LARP6: variants seen among roughly 807,000 people sequenced by gnomAD.
LARP6 encodes the protein La ribonucleoprotein 6, translational regulator, also known as la-related protein 6.
A neutral mutation model predicts 32.8 loss-of-function variants in LARP6; 18 were observed. The ratio of observed to expected loss-of-function variants is 0.55; its 90% CI spans 0.38 to 0.81. LARP6 has a LOEUF of 0.81. Among genes scored for constraint, LARP6 ranks in the 40% least tolerant of loss-of-function variants. LARP6 has a pLI of 0.00. For missense variants in LARP6, 598 were observed against 663.1 expected (o/e 0.90, Z 1.08); for synonymous variants, 289 against 267.2 (o/e 1.08, Z -0.80).
intron 2 of LARP6, 123 bp downstream of exon 2, chr15:70,836,168 TCAGG>T: frequency 1.4e-6 from 1 of 730,108 alleles, no homozygotes; most frequent in Non-Finnish European, 2.3e-6. Context: ...TTTCTCTTTT[TCAGG>T]CACAGACTTA....
intron 1 of LARP6, among the ~76,000 whole-genome samples, chr15:70,847,515 G>T (rs953611772): frequency 6.6e-6 from 1 of 152,006 alleles, no homozygotes. Context: ...GACTACAGGT[G>T]CGCACCACCA....
intron 2 of LARP6, among the ~76,000 whole-genome samples, chr15:70,835,444 T>A (rs1466888631): frequency 6.6e-6 from 1 of 152,142 alleles, no homozygotes; most frequent in Admixed American, 6.5e-5. Context: ...AATGAGCATA[T>A]TTGATGAATG....
At chr15:70,844,171 GGT>G (rs2032308250) in intron 1 of LARP6, among the ~76,000 whole-genome samples, 2 of 152,062 alleles carry the variant, frequency 1.3e-5, no homozygotes, top group East Asian at 3.9e-4. Context: ...TGGCCAGGCT[GGT>G]CTCAAACTCC....
rs775982634 is a variant in LARP6, at chr15:70,832,871, C to A, written c.657G>T (p.Lys219Asn). The change falls in exon 3 of 3, where the codon AAG becomes AAT. Residue 219 changes from lysine (K) to asparagine (N), a missense_variant. By Grantham distance (94) the Lys-to-Asn change is moderately conservative. Around this residue, in one of 3 missense-constraint regions of LARP6, gnomAD observed 368 missense variants for 397.9 expected, o/e 0.92. Transcript: ENST00000299213. ...VQEKVMEHLL[K>N]LFGTFGVISS... ...AGATGACTCCAAAAGTCCCAAAAAG[C>A]TTGAGCAGGTGTTCCATCACCTTCT... 13 of 1,610,322 alleles carry A rather than the reference C, an allele frequency of 8.1e-6. No individual in the cohort carries two copies. The highest frequency in any genetic ancestry group is 1.7e-4 in the Middle Eastern group (1 of 6,024).
chr15:70,840,007 A>G (rs1053418002), intron 1 of LARP6, among the ~76,000 whole-genome samples: 10 of 152,170 alleles, frequency 6.6e-5, no homozygotes, highest in Admixed American at 5.2e-4. Context: ...CAGATTTTTT[A>G]TTATTACATG....
chr15:70,850,280 T>C (rs2032424181), intron 1 of LARP6, among the ~76,000 whole-genome samples: 1 of 152,148 alleles, frequency 6.6e-6, no homozygotes, highest in Non-Finnish European at 1.5e-5. Context: ...TACTAAACAT[T>C]TAAAGAACAA....
rs759270996 is a variant in LARP6, at chr15:70,832,442, G to A, written c.1086C>T (p.Ser362=). 1.3e-6 allele frequency: 2 copies of A among 1,570,852 alleles called. No homozygotes were observed. The highest frequency in any genetic ancestry group is 1.7e-6 in the Non-Finnish European group (2 of 1,160,420). ...GAAAGAGATTCTGGTGGCCAGACGG[G>A]CTGAGCTTGTTGGTGGCCGCGTGCC... is the stretch of plus-strand genomic sequence containing the variant. ...GRRHAATNKL[S]PSGHQNLFLS... The change falls in exon 3 of 3, where the codon AGC becomes AGT. Residue 362 remains serine (S), a synonymous_variant. Coordinates refer to ENST00000299213, the MANE Select transcript of LARP6 (RefSeq NM_018357.4).
chr15:70,851,215 C>T (rs1225052137), intron 1 of LARP6, among the ~76,000 whole-genome samples: 1 of 152,118 alleles, frequency 6.6e-6, no homozygotes, highest in African/African-American at 2.4e-5. Context: ...GTAAAACATA[C>T]CTCAAATGGT....
chr15:70,841,793 G>A (rs1050188801), intron 1 of LARP6, among the ~76,000 whole-genome samples: 3 of 152,112 alleles, frequency 2.0e-5, no homozygotes, highest in African/African-American at 7.2e-5. Flanking sequence ...CCCAGAAGTG[G>A]ATGCTAGTGC....
chr15:70,830,477 A>G lies in LARP6; in HGVS notation c.*1575T>C, dbSNP rs952150320. The stretch of plus-strand genomic sequence containing the variant: ...GGATTCTTTTTTGAATATGGATAGT[A>G]AAGATCAGAAATGTTGAGTACCACT... On this transcript the variant is annotated 3_prime_UTR_variant, in exon 3 of 3. Coordinates refer to ENST00000299213, the MANE Select transcript of LARP6 (RefSeq NM_018357.4). 2 of 152,210 alleles carry G rather than the reference A, an allele frequency of 1.3e-5. No individual in the cohort carries two copies. Among genetic ancestry groups the G allele is most frequent in the South Asian group, 4.1e-4 (2 of 4,830 alleles). 9.4% of individuals were successfully genotyped at this position (152,210 alleles called of 1,614,324 possible). A position where few individuals can be genotyped will look rare whatever the true frequency, so the allele number is the denominator to read the frequency against.
chr15:70,852,311 A>T, intron 1 of LARP6: 1 of 455,568 alleles, frequency 2.2e-6, no homozygotes, highest in Non-Finnish European at 4.4e-6. Context: ...GCTGAGACTC[A>T]AGCCACGGGA....
rs139546696 is a variant in LARP6 at position 70,840,371 on chromosome 15, C to A, written c.201-3866G>T. Among the ~76,000 whole-genome samples the A allele has an allele frequency of 2.3e-3, 345 of 152,216 alleles. 3 individuals carry two copies. The highest frequency in any genetic ancestry group is 8.2e-3 in the African/African-American group (341 of 41,524). On this transcript the variant is annotated intron_variant, in intron 1 of 2. Transcript: ENST00000299213. The stretch of plus-strand genomic sequence containing the variant: ...CCTGGCCAACATGGTGAAACCCCAT[C>A]TCTACCAAAAATATAAAAATTAGCT...
intron 1 of LARP6, among the ~76,000 whole-genome samples, chr15:70,847,562 T>G (rs182671583): frequency 6.6e-6 from 1 of 152,082 alleles, no homozygotes; most frequent in Admixed American, 6.6e-5. Flanking sequence ...GTAGAGACAG[T>G]GTTTCATCGT....
Position 70,853,983 on chromosome 15 carries a change from C to T in LARP6, c.106G>A (p.Glu36Lys), listed in dbSNP as rs1341689432. 15 of 1,464,028 alleles carry T rather than the reference C, an allele frequency of 1.0e-5. No homozygotes were observed. The Middle Eastern group carries it at 5.6e-4, about 54-fold the overall frequency. The allele number at this position is 1,464,028 out of a possible 1,614,324, so 90.7% of individuals were successfully genotyped here. A position where few individuals can be genotyped will look rare whatever the true frequency, so the allele number is the denominator to read the frequency against. The change falls in exon 1 of 3, where the codon GAG (glutamate) becomes AAG (lysine). Residue 36 changes from glutamate to lysine, a missense_variant. This residue lies in a region of LARP6 where 161 missense variants were observed against 148.6 expected (regional missense o/e 1.08). Transcript: ENST00000299213. ...EDVDELEDEE[E>K]GAETRGAGDP... ...CCGGCGCCCCGAGTCTCCGCCCCCT[C>T]CTCCTCGTCCTCCAACTCGTCCACG...
chr15:70,852,568 T>C (rs1436854029), intron 1 of LARP6, among the ~76,000 whole-genome samples: 1 of 152,178 alleles, frequency 6.6e-6, no homozygotes, highest in Non-Finnish European at 1.5e-5. Flanking sequence ...TACTCTGATA[T>C]TGTCTGACTA....
At chr15:70,842,930 T>C (rs908663685) in intron 1 of LARP6, among the ~76,000 whole-genome samples, 3 of 152,206 alleles carry the variant, frequency 2.0e-5, no homozygotes, top group Admixed American at 6.5e-5. Context: ...GAAAAGCCTA[T>C]GTTATATCCA....
At chr15:70,852,408 G>A (rs2032494039) in intron 1 of LARP6, 1 of 360,978 alleles carries the variant, frequency 2.8e-6, no homozygotes, top group African/African-American at 2.1e-5. Flanking sequence ...ACCTCCATAG[G>A]GGATCTTTCC....
At chr15:70,837,478 T>A (rs2032169313) in intron 1 of LARP6, among the ~76,000 whole-genome samples, 1 of 152,218 alleles carries the variant, frequency 6.6e-6, no homozygotes, top group Non-Finnish European at 1.5e-5. Flanking sequence ...TATACTCTCT[T>A]ATTCTTCCTT....
chr15:70,839,757 G>A (rs1256821749), intron 1 of LARP6, among the ~76,000 whole-genome samples: 4 of 152,114 alleles, frequency 2.6e-5, no homozygotes, highest in East Asian at 1.9e-4. Context: ...TTTAATTGCC[G>A]TCTTTACTCT....
Sources: gnomAD v4.1 joint callset for allele counts (sites outside exome capture counted in the v4.1 genomes callset) on GRCh38, gnomAD v4.1.1 for gene constraint, gnomAD v4.1.1 regional missense constraint, MANE v1.5 for transcripts, NCBI Gene and HGNC (gene_info 2026-07-23, HGNC 2026-07-21) for gene names.